The following AP4E1 variants were observed in gnomAD, a reference collection of about 807,000 sequenced individuals.
The protein encoded by AP4E1 is adaptor related protein complex 4 subunit epsilon 1, also known as AP-4 complex subunit epsilon-1.
In AP4E1, 56 loss-of-function variants were observed where a neutral mutation model predicts 128.2. The observed-to-expected ratio is 0.44, with a 90% CI of 0.35 to 0.55. The LOEUF is 0.55. Ranked by LOEUF, AP4E1 falls within the 20% of genes least tolerant of loss-of-function variation. The pLI is 0.00. For synonymous variants in AP4E1, 484 were observed against 473.1 expected, an observed-to-expected ratio of 1.02 and a Z score of -0.30; for missense variants, 1,324 against 1,307.7, an observed-to-expected ratio of 1.01 and a Z score of -0.19.
intron 11 of AP4E1, 100 bp from the exon 12 acceptor site, chr15:50,949,726 T>C: frequency 2.2e-6 from 2 of 901,504 alleles, no homozygotes; most frequent in Non-Finnish European, 3.6e-6. Context: ...AAAACTGCCA[T>C]ACTAGGATGA....
upstream of AP4E1, chr15:50,908,458 C>T (rs1052089826): frequency 2.8e-4 from 74 of 266,310 alleles, no homozygotes; most frequent in Non-Finnish European, 4.9e-4. Context: ...CAGTGCCTAA[C>T]AGGGCCAGGC....
intron 17 of AP4E1, 143 bp downstream of exon 17, chr15:50,993,768 T>G (rs1188799396): frequency 1.6e-5 from 16 of 999,568 alleles, no homozygotes; most frequent in Non-Finnish European, 2.2e-5. Context: ...ATTTCCCAGC[T>G]CCAGAACCAC....
At chr15:50,932,740 T>C (rs139433403) in intron 7 of AP4E1, among the ~76,000 whole-genome samples, 96 of 152,350 alleles carry the variant, frequency 6.3e-4, no homozygotes, top group Non-Finnish European at 1.2e-3. Context: ...CTAGCACTAA[T>C]TGGGCTACAT....
chr15:50,936,359 CTT>C (rs895599411), intron 8 of AP4E1, among the ~76,000 whole-genome samples: 2 of 142,564 alleles, frequency 1.4e-5, no homozygotes, highest in Admixed American at 7.0e-5. Context: ...TAAAAATCTG[CTT>C]TTTTTTTTTC....
intron 1 of AP4E1, 99 bp downstream of exon 1, chr15:50,909,027 AG>A: frequency 6.5e-7 from 1 of 1,547,834 alleles, no homozygotes; most frequent in Non-Finnish European, 8.7e-7. Context: ...CTCTGGGGTT[AG>A]CCCTCCGGCG....
chr15:50,973,599 A>G lies in AP4E1; in HGVS notation c.1966+5222A>G, dbSNP rs2064513199. Among the ~76,000 whole-genome samples the G allele has an allele frequency of 1.3e-5, 2 of 152,192 alleles. 1 individual carries two copies. The highest frequency in any genetic ancestry group is 4.1e-4 in the South Asian group (2 of 4,832). On this transcript the variant is annotated intron_variant, in intron 15 of 20. Transcript: ENST00000261842. ...TTTCTCTCTCCCCTTAGCCTCTGGC[A>G]GCAACCAGTCCATTCCTCAATCCTA...
At chr15:50,913,231 T>G (rs2063585524) in intron 2 of AP4E1, among the ~76,000 whole-genome samples, 1 of 152,226 alleles carries the variant, frequency 6.6e-6, no homozygotes, top group Non-Finnish European at 1.5e-5. Flanking sequence ...TATCCATGTG[T>G]ATATATGTAT....
intron 8 of AP4E1, among the ~76,000 whole-genome samples, chr15:50,938,092 C>G (rs1212841194): frequency 6.6e-6 from 1 of 151,810 alleles, no homozygotes; most frequent in Non-Finnish European, 1.5e-5. Flanking sequence ...GTATAAGAAA[C>G]ATAAGACTCA....
chr15:50,982,890 G>A (rs1252012565), intron 15 of AP4E1, among the ~76,000 whole-genome samples: 1 of 151,828 alleles, frequency 6.6e-6, no homozygotes, highest in Non-Finnish European at 1.5e-5. Flanking sequence ...TTGTAATTTG[G>A]GACAAACTCT....
chr15:50,958,934 T>G, intron 14 of AP4E1, 140 bp downstream of exon 14: 1 of 923,176 alleles, frequency 1.1e-6, no homozygotes, highest in Non-Finnish European at 1.7e-6. Context: ...CTTTTCACAT[T>G]AGTATGACAG....
chr15:50,968,940 CT>C (rs201265223), intron 15 of AP4E1, among the ~76,000 whole-genome samples: 24 of 146,712 alleles, frequency 1.6e-4, no homozygotes, highest in South Asian at 2.2e-4. Flanking sequence ...TTTTGAGGAA[CT>C]TTTTTTTTTT....
At chr15:50,962,195 C>T (rs771398764) in intron 14 of AP4E1, among the ~76,000 whole-genome samples, 7 of 151,922 alleles carry the variant, frequency 4.6e-5, no homozygotes, top group Non-Finnish European at 8.8e-5. Flanking sequence ...CTACTCAAAC[C>T]AATCTACAGA....
intron 16 of AP4E1, among the ~76,000 whole-genome samples, chr15:50,986,868 G>T (rs1235318836): frequency 6.6e-6 from 1 of 152,184 alleles, no homozygotes; most frequent in East Asian, 1.9e-4. Context: ...GATTGGAATA[G>T]TTTCAGAAGG....
chr15:50,970,998 G>T (rs561876141), intron 15 of AP4E1, among the ~76,000 whole-genome samples: 1 of 152,196 alleles, frequency 6.6e-6, no homozygotes, highest in East Asian at 1.9e-4. Flanking sequence ...CAGTGATAAG[G>T]TTTGATTCCT....
At chr15:50,914,330 T>C (rs751028868) in intron 2 of AP4E1, among the ~76,000 whole-genome samples, 2 of 152,174 alleles carry the variant, frequency 1.3e-5, no homozygotes, top group Non-Finnish European at 2.9e-5. Context: ...TGTAATATGC[T>C]AACCCTAGTT....
At chr15:50,978,383 T>G (rs1484850145) in intron 15 of AP4E1, among the ~76,000 whole-genome samples, 2 of 152,134 alleles carry the variant, frequency 1.3e-5, no homozygotes, top group Non-Finnish European at 2.9e-5. Flanking sequence ...AATAATCAGA[T>G]AATTAAAGTT....
intron 13 of AP4E1, among the ~76,000 whole-genome samples, chr15:50,954,460 G>A (rs1370651805): frequency 1.3e-5 from 2 of 151,456 alleles, no homozygotes; most frequent in Non-Finnish European, 2.9e-5. Context: ...AGTTCAGTTT[G>A]TTGTTGTTGT....
chr15:50,914,549 G>A (rs563626408), intron 2 of AP4E1, among the ~76,000 whole-genome samples: 1 of 151,216 alleles, frequency 6.6e-6, no homozygotes, highest in Non-Finnish European at 1.5e-5. Context: ...TACTAGAGAG[G>A]CTGAAGCATG....
chr15:50,924,057 A>C (rs571703170), intron 4 of AP4E1, 53 bp downstream of exon 4: 4 of 1,417,850 alleles, frequency 2.8e-6, no homozygotes, highest in African/African-American at 1.4e-5. Flanking sequence ...TCAGCACCTG[A>C]TATTTCTCCT....
Sources: allele counts gnomAD v4.1 joint callset (sites outside exome capture counted in the v4.1 genomes callset), GRCh38; gene constraint gnomAD v4.1.1; transcripts MANE v1.5; gene names NCBI Gene and HGNC (gene_info 2026-07-23, HGNC 2026-07-21).